SRRM4: variants seen among roughly 807,000 people sequenced by gnomAD.
SRRM4 encodes the protein serine/arginine repetitive matrix protein 4.
In SRRM4, 33 loss-of-function variants were observed where a neutral mutation model predicts 68.9. The ratio of observed to expected loss-of-function variants is 0.48; its 90% CI spans 0.36 to 0.64. The LOEUF (loss-of-function observed/expected upper bound fraction) is 0.64, where lower values mean the gene tolerates loss of function less well. Among genes scored for constraint, SRRM4 ranks in the 30% least tolerant of loss-of-function variants. The pLI is 0.00. For missense variants in SRRM4, 817 were observed against 827.1 expected (o/e 0.99, Z 0.15); for synonymous variants, 318 against 318.8 (o/e 1.00, Z 0.03).
intron 1 of SRRM4, among the ~76,000 whole-genome samples, chr12:119,075,791 ATGG>A (rs1953908482): frequency 6.8e-6 from 1 of 146,562 alleles, no homozygotes; most frequent in Non-Finnish European, 1.5e-5. Flanking sequence ...GATAGCGATG[ATGG>A]TGATGATGAT....
intron 1 of SRRM4, among the ~76,000 whole-genome samples, chr12:119,035,108 A>C (rs1183356964): frequency 6.6e-6 from 1 of 152,062 alleles, no homozygotes; most frequent in Non-Finnish European, 1.5e-5. Context: ...TTTTTTTCAG[A>C]GTGTATAAAT....
chr12:119,116,843 A>G, intron 3 of SRRM4, 94 bp from the exon 4 acceptor site: 1 of 1,005,368 alleles, frequency 9.9e-7, no homozygotes, highest in South Asian at 1.5e-5. Flanking sequence ...TGCAAGAGCT[A>G]AAACCCTGTA....
chr12:119,086,515 A>G (rs955826711), intron 1 of SRRM4, among the ~76,000 whole-genome samples: 5 of 152,190 alleles, frequency 3.3e-5, no homozygotes, highest in African/African-American at 1.2e-4. Flanking sequence ...GGCCTCTTCT[A>G]CTCAAACTAT....
intron 1 of SRRM4, among the ~76,000 whole-genome samples, chr12:119,059,158 A>T (rs1436649852): frequency 6.6e-6 from 1 of 152,026 alleles, no homozygotes; most frequent in Admixed American, 6.6e-5. Flanking sequence ...AGAAATATTG[A>T]TTCTACCAAT....
At chr12:119,153,910 T>A (rs948552924) in intron 11 of SRRM4, among the ~76,000 whole-genome samples, 1 of 151,402 alleles carries the variant, frequency 6.6e-6, no homozygotes, top group African/African-American at 2.4e-5. Context: ...CTACAGACCG[T>A]CCCCATATTC....
In SRRM4 at chr12:118,997,022, A is replaced by C. The variant is rs1565885974; in HGVS notation, c.131+15009A>C. Among the ~76,000 whole-genome samples the C allele has an allele frequency of 2.0e-5, 3 of 152,232 alleles. No homozygotes were observed. In the East Asian group the frequency reaches 5.8e-4, roughly 29 times the overall value. On this transcript the variant is annotated intron_variant, in intron 1 of 12. Coordinates refer to ENST00000267260, the MANE Select transcript of SRRM4 (RefSeq NM_194286.4). ...TGATGGTCCCAGTCTGCACTGGGCAATCGCTCAGAAGAATCAACCAGCCAG... is the reference window on the plus strand; with the variant it reads ...TGATGGTCCCAGTCTGCACTGGGCACTCGCTCAGAAGAATCAACCAGCCAG...
chr12:119,067,032 A>G (rs948414975), intron 1 of SRRM4, among the ~76,000 whole-genome samples: 4 of 152,206 alleles, frequency 2.6e-5, no homozygotes, highest in Admixed American at 6.5e-5. Context: ...CTAATGACCT[A>G]TGCATGGCCT....
intron 1 of SRRM4, among the ~76,000 whole-genome samples, chr12:119,095,479 G>T (rs1954037993): frequency 6.6e-6 from 1 of 152,158 alleles, no homozygotes; most frequent in Non-Finnish European, 1.5e-5. Context: ...AGTGCCTTCA[G>T]CTATGCAAGG....
chr12:119,080,816 G>A (rs1525955), intron 1 of SRRM4, among the ~76,000 whole-genome samples: 87,051 of 152,116 alleles, frequency 0.57, 25,910 homozygotes, highest in Middle Eastern at 0.76. Context: ...CTACTCATTC[G>A]TTAGTCTTCA....
chr12:119,068,010 C>T (rs958014904), intron 1 of SRRM4, among the ~76,000 whole-genome samples: 2 of 152,220 alleles, frequency 1.3e-5, no homozygotes, highest in African/African-American at 4.8e-5. Context: ...CACACCTTAC[C>T]TAGCAGATGT....
chr12:119,029,661 A>G (rs915184015), intron 1 of SRRM4, among the ~76,000 whole-genome samples: 2 of 152,188 alleles, frequency 1.3e-5, no homozygotes, highest in African/African-American at 4.8e-5. Flanking sequence ...GACCTTTCTC[A>G]GGGAAAGAAA....
At chr12:119,067,645 T>G in intron 1 of SRRM4, among the ~76,000 whole-genome samples, 1 of 151,766 alleles carries the variant, frequency 6.6e-6, no homozygotes, top group Non-Finnish European at 1.5e-5. Context: ...GAGGTGGAGG[T>G]TGCGGTGAGG....
intron 1 of SRRM4, among the ~76,000 whole-genome samples, chr12:119,065,736 A>G (rs1953841673): frequency 6.6e-6 from 1 of 152,138 alleles, no homozygotes; most frequent in Non-Finnish European, 1.5e-5. Flanking sequence ...TGGGCAACAG[A>G]GCAAGACTCC....
chr12:119,062,900 C>T (rs1415758142), intron 1 of SRRM4, among the ~76,000 whole-genome samples: 1 of 152,168 alleles, frequency 6.6e-6, no homozygotes, highest in South Asian at 2.1e-4. Flanking sequence ...AAAATGAAGA[C>T]AACATTAATA....
intron 1 of SRRM4, among the ~76,000 whole-genome samples, chr12:119,016,745 G>A (rs951014135): frequency 1.3e-5 from 2 of 152,074 alleles, no homozygotes; most frequent in African/African-American, 4.8e-5. Context: ...CTTTTACTAT[G>A]TTTTGAGGGG....
intron 1 of SRRM4, among the ~76,000 whole-genome samples, chr12:119,032,102 TC>T (rs1953595474): frequency 6.6e-6 from 1 of 152,282 alleles, no homozygotes; most frequent in African/African-American, 2.4e-5. Context: ...CCACAGTTCA[TC>T]TTTTCCTCAC....
At chr12:119,123,081 T>C (rs761973494) in intron 6 of SRRM4, among the ~76,000 whole-genome samples, 5 of 152,220 alleles carry the variant, frequency 3.3e-5, no homozygotes, top group Non-Finnish European at 5.9e-5. Context: ...TTTTATCTCC[T>C]GCCAAGAAGC....
chr12:119,105,414 G>A (rs1381944844), intron 2 of SRRM4, among the ~76,000 whole-genome samples: 2 of 152,194 alleles, frequency 1.3e-5, no homozygotes, highest in East Asian at 3.9e-4. Context: ...CACAATGGAT[G>A]AACTAGTTTA....
chr12:119,042,854 A>G (rs1238598717), intron 1 of SRRM4, among the ~76,000 whole-genome samples: 1 of 152,098 alleles, frequency 6.6e-6, no homozygotes, highest in Non-Finnish European at 1.5e-5. Context: ...AAGGGCCAGG[A>G]GAGATCAAGA....
Sources: gnomAD v4.1 joint callset for allele counts (sites outside exome capture counted in the v4.1 genomes callset) on GRCh38, gnomAD v4.1.1 for gene constraint, MANE v1.5 for transcripts, NCBI Gene and HGNC (gene_info 2026-07-23, HGNC 2026-07-21) for gene names.